MAML2: variants seen among roughly 807,000 people sequenced by gnomAD.
MAML2 encodes mastermind-like protein 2.
A neutral mutation model predicts 96.1 loss-of-function variants in MAML2; 22 were observed. The observed-to-expected ratio is 0.23, with a 90% CI of 0.16 to 0.33. The LOEUF is 0.33. MAML2 is among the 10% of genes least tolerant of loss of function. The probability of loss-of-function intolerance (pLI) is 1.00; values close to 1 mark genes in which losing one functional copy is unlikely to be tolerated. For missense variants in MAML2, 1,367 were observed against 1,392.4 expected, an observed-to-expected ratio of 0.98 and a Z score of 0.29; for synonymous variants, 561 against 521.3, an observed-to-expected ratio of 1.08 and a Z score of -1.04.
chr11:95,979,613 A>T lies in MAML2; in HGVS notation c.2806T>A (p.Leu936Met), dbSNP rs1046743056. 2 of 1,613,722 alleles carry T rather than the reference A, an allele frequency of 1.2e-6. No individual in the cohort carries two copies. The highest frequency in any genetic ancestry group is 3.3e-5 in the Admixed American group (2 of 59,986). Residue 936 changes from leucine to methionine, a missense_variant, in exon 5 of 5, where the codon TTG (leucine) becomes ATG (methionine). By Grantham distance (15) the Leu-to-Met change is conservative. Coordinates refer to ENST00000524717, the MANE Select transcript of MAML2 (RefSeq NM_032427.4). Reference sequence around the variant, plus strand: ...ATACTATGGGTTAAATTTGGTCTCAATTGTTGTGAATTACCAACAGATCCA... The same window carrying T: ...ATACTATGGGTTAAATTTGGTCTCATTTGTTGTGAATTACCAACAGATCCA... Reference protein sequence around the residue: ...GAGSVGNSQQLRPNLTHSMAS... With the variant: ...GAGSVGNSQQMRPNLTHSMAS...
At chr11:96,182,252 C>T (rs1303938019) in intron 1 of MAML2, among the ~76,000 whole-genome samples, 2 of 152,118 alleles carry the variant, frequency 1.3e-5, no homozygotes, top group South Asian at 4.1e-4. Flanking sequence ...CTACAAATAT[C>T]GAAACAATGG....
intron 1 of MAML2, among the ~76,000 whole-genome samples, chr11:96,169,558 T>C (rs892676812): frequency 1.3e-5 from 2 of 152,340 alleles, no homozygotes; most frequent in South Asian, 4.1e-4. Flanking sequence ...CAATAGTGAG[T>C]TCATGGCTGG....
chr11:96,172,574 G>A (rs1411914590), intron 1 of MAML2, among the ~76,000 whole-genome samples: 2 of 152,216 alleles, frequency 1.3e-5, no homozygotes, highest in Admixed American at 6.5e-5. Flanking sequence ...TTCAGTGTCT[G>A]CAGCCATGCA....
At chr11:96,137,165 T>A (rs1295485744) in intron 1 of MAML2, among the ~76,000 whole-genome samples, 1 of 152,216 alleles carries the variant, frequency 6.6e-6, no homozygotes, top group Non-Finnish European at 1.5e-5. Context: ...AAATGTTGCA[T>A]GCACTTAATA....
At chr11:96,151,475 T>C (rs776310860) in intron 1 of MAML2, among the ~76,000 whole-genome samples, 1 of 152,224 alleles carries the variant, frequency 6.6e-6, no homozygotes, top group East Asian at 1.9e-4. Context: ...ATGGTTTGGA[T>C]CTGTGTTCCC....
At chr11:96,007,172 T>A (rs1180057899) in intron 2 of MAML2, among the ~76,000 whole-genome samples, 2 of 149,646 alleles carry the variant, frequency 1.3e-5, no homozygotes, top group African/African-American at 4.9e-5. Flanking sequence ...CCAGTTAATT[T>A]TTTTTTTTTT....
intron 1 of MAML2, among the ~76,000 whole-genome samples, chr11:96,266,750 T>C (rs560597369): frequency 1.9e-4 from 29 of 152,308 alleles, no homozygotes; most frequent in African/African-American, 6.7e-4. Flanking sequence ...GATGTACTTA[T>C]TCTAGGCTTC....
chr11:96,324,572 GGA>G (rs1863749121), intron 1 of MAML2, among the ~76,000 whole-genome samples: 1 of 152,060 alleles, frequency 6.6e-6, no homozygotes, highest in African/African-American at 2.4e-5. Context: ...TGTAGGCCAT[GGA>G]AATACAAAAA....
chr11:96,186,005 G>A (rs1421781173), intron 1 of MAML2, among the ~76,000 whole-genome samples: 3 of 152,168 alleles, frequency 2.0e-5, no homozygotes, highest in Non-Finnish European at 4.4e-5. Context: ...GTCAGAATCT[G>A]CATTTTAACG....
chr11:96,079,836 A>G (rs1489427168), intron 2 of MAML2, among the ~76,000 whole-genome samples: 2 of 152,200 alleles, frequency 1.3e-5, no homozygotes, highest in Non-Finnish European at 1.5e-5. Flanking sequence ...GACTCTAAAT[A>G]TGGTGGCAGG....
At chr11:96,138,125 G>A (rs1442738338) in intron 1 of MAML2, among the ~76,000 whole-genome samples, 1 of 152,132 alleles carries the variant, frequency 6.6e-6, no homozygotes, top group Non-Finnish European at 1.5e-5. Flanking sequence ...CCGGTTTTTT[G>A]TATACCTCAA....
intron 1 of MAML2, among the ~76,000 whole-genome samples, chr11:96,102,589 C>T (rs910353994): frequency 6.6e-6 from 1 of 152,080 alleles, no homozygotes; most frequent in African/African-American, 2.4e-5. Flanking sequence ...TGTTGTCCAG[C>T]AACAAGGGGA....
In MAML2 at chr11:96,136,232, C is replaced by T. The variant is rs541577400; in HGVS notation, c.514-42715G>A. ...TTTCCCACTTACCATCAGTTTTCTC[C>T]TCTTCCTTTTTTTTCTTTGCAGAAT... On this transcript the variant is annotated intron_variant, in intron 1 of 4. Transcript: ENST00000524717. Among the ~76,000 whole-genome samples the T allele has an allele frequency of 1.5e-4, 22 of 149,962 alleles. No homozygotes were observed. The South Asian group carries it at 4.4e-3, about 30-fold the overall frequency.
chr11:95,997,746 G>A (rs1858014580), intron 2 of MAML2, among the ~76,000 whole-genome samples: 1 of 152,044 alleles, frequency 6.6e-6, no homozygotes, highest in African/African-American at 2.4e-5. Context: ...TACACAAGTG[G>A]TCCCGAGCCC....
chr11:96,181,898 A>G (rs1861492519), intron 1 of MAML2, among the ~76,000 whole-genome samples: 1 of 152,174 alleles, frequency 6.6e-6, no homozygotes, highest in Non-Finnish European at 1.5e-5. Context: ...TATCACAACC[A>G]CTATCTAATT....
intron 1 of MAML2, among the ~76,000 whole-genome samples, chr11:96,241,792 A>C (rs556692239): frequency 6.6e-6 from 1 of 152,242 alleles, no homozygotes; most frequent in Admixed American, 6.5e-5. Context: ...TTTAGGTTAG[A>C]CTTGTGGAAG....
At position 96,268,900 on chromosome 11, in the gene MAML2, T is replaced by C. The variant is rs149747292; in HGVS notation, c.513+72483A>G. ...ACTCTTTCCTTTATAAATTACCCAG[T>C]CTTAAGTATGTCTTTATTGGCAGCA... is the stretch of plus-strand genomic sequence containing the variant. On this transcript the variant is annotated intron_variant, in intron 1 of 4. Transcript: ENST00000524717. Among the ~76,000 whole-genome samples, 1,380 of 144,810 alleles carry C rather than the reference T, an allele frequency of 9.5e-3. 257 individuals are homozygous for C. The highest frequency in any genetic ancestry group is 0.034 in the African/African-American group (1,303 of 37,856).
intron 1 of MAML2, among the ~76,000 whole-genome samples, chr11:96,151,308 G>A (rs528790070): frequency 1.3e-5 from 2 of 152,282 alleles, no homozygotes; most frequent in African/African-American, 4.8e-5. Context: ...TCCAAGGGGT[G>A]CCTCTCCCAT....
intron 2 of MAML2, among the ~76,000 whole-genome samples, chr11:96,001,923 A>C (rs1027316923): frequency 1.3e-5 from 2 of 151,860 alleles, no homozygotes; most frequent in East Asian, 1.9e-4. Context: ...CTCTTCTCCA[A>C]ATTTTTGTAA....
Sources: gnomAD v4.1 joint callset for allele counts (sites outside exome capture counted in the v4.1 genomes callset) on GRCh38, gnomAD v4.1.1 for gene constraint, MANE v1.5 for transcripts, NCBI Gene and HGNC (gene_info 2026-07-23, HGNC 2026-07-21) for gene names.